RASGRF1: variants seen among roughly 807,000 people sequenced by gnomAD.
The protein encoded by RASGRF1 is ras-specific guanine nucleotide-releasing factor 1.
A neutral mutation model predicts 138.7 loss-of-function variants in RASGRF1; 40 were observed. That is an observed-to-expected ratio of 0.29 (90% CI 0.22 to 0.38). RASGRF1 has a LOEUF of 0.38. RASGRF1 is among the 10% of genes least tolerant of loss of function. The probability of loss-of-function intolerance (pLI) is 1.00; values close to 1 mark genes in which losing one functional copy is unlikely to be tolerated. For synonymous variants in RASGRF1, 614 were observed against 663.2 expected (o/e 0.93, Z 1.14); for missense variants, 1,108 against 1,650.4 (o/e 0.67, Z 5.69).
At chr15:79,031,588 G>T in intron 7 of RASGRF1, 79 bp from the exon 8 acceptor site, 1 of 546,382 alleles carries the variant, frequency 1.8e-6, no homozygotes, top group Non-Finnish European at 3.2e-6. Context: ...GGCAGACAGG[G>T]AGTGAGCAAG....
At chr15:78,995,125 C>T (rs1223176756) in intron 20 of RASGRF1, among the ~76,000 whole-genome samples, 1 of 151,908 alleles carries the variant, frequency 6.6e-6, no homozygotes, top group Non-Finnish European at 1.5e-5. Flanking sequence ...GACAGGGTTT[C>T]ACCATGTTGC....
rs372355251 is a variant in RASGRF1, at chr15:79,007,047, C to A, written c.1827-613G>T. Reference sequence around the variant, plus strand: ...ATGTGTACATGAATGTTCTTAGCAGCATTATTTGTAATAGCCCCAAAGTGG... The same window carrying A: ...ATGTGTACATGAATGTTCTTAGCAGAATTATTTGTAATAGCCCCAAAGTGG... On this transcript the variant is annotated intron_variant, in intron 13 of 26. Transcript: ENST00000558480. 6.6e-5 allele frequency among the ~76,000 whole-genome samples: 10 copies of A among 152,264 alleles called. No homozygotes were observed. In the East Asian group the frequency reaches 1.2e-3, roughly 18 times the overall value.
chr15:78,997,976 G>C, intron 19 of RASGRF1, 120 bp downstream of exon 19: 1 of 796,322 alleles, frequency 1.3e-6, no homozygotes, highest in Non-Finnish European at 2.1e-6. Context: ...CCTACTTGGG[G>C]CTGTCCTTGA....
intron 24 of RASGRF1, among the ~76,000 whole-genome samples, chr15:78,977,157 C>A (rs918563802): frequency 6.6e-6 from 1 of 152,196 alleles, no homozygotes; most frequent in Non-Finnish European, 1.5e-5. Context: ...GAAACCAACC[C>A]GAGACAAGCA....
At chr15:78,997,360 G>C (rs545839035) in intron 19 of RASGRF1, among the ~76,000 whole-genome samples, 4 of 152,362 alleles carry the variant, frequency 2.6e-5, no homozygotes, top group African/African-American at 9.6e-5. Flanking sequence ...CTAGCCACAT[G>C]TCGGGGGTGA....
At chr15:78,997,347 C>A (rs1182081398) in intron 19 of RASGRF1, among the ~76,000 whole-genome samples, 1 of 152,258 alleles carries the variant, frequency 6.6e-6, no homozygotes, top group Non-Finnish European at 1.5e-5. Flanking sequence ...AATGCAGGGA[C>A]TGCTAGCCAC....
At chr15:78,978,772 C>T (rs1223364752) in intron 24 of RASGRF1, 2 of 1,119,564 alleles carry the variant, frequency 1.8e-6, no homozygotes, top group African/African-American at 1.6e-5. Context: ...GAAGCATTTG[C>T]CCCAGGTTTC....
chr15:79,083,449 T>C (rs956369208), intron 1 of RASGRF1, among the ~76,000 whole-genome samples: 3 of 152,148 alleles, frequency 2.0e-5, no homozygotes, highest in Non-Finnish European at 2.9e-5. Context: ...GGAAACCGGA[T>C]TGTGGGGTGT....
In RASGRF1 at chr15:78,969,660, C is replaced by T. The variant is rs530310430; in HGVS notation, c.3681+2206G>A. 9.2e-4 allele frequency among the ~76,000 whole-genome samples: 140 copies of T among 152,188 alleles called. 6 individuals carry two copies. In the South Asian group the frequency reaches 0.028, roughly 31 times the overall value. ...CTCCAGCCTGGGTGACAGAGTAAGA[C>T]TCTGTCTTAAAAAAAAGAAAAGAAA... On this transcript the variant is annotated intron_variant, in intron 26 of 26. Transcript: ENST00000558480.
At chr15:79,080,955 C>G (rs1391319847) in intron 1 of RASGRF1, among the ~76,000 whole-genome samples, 1 of 152,178 alleles carries the variant, frequency 6.6e-6, no homozygotes, top group Admixed American at 6.5e-5. Context: ...ATGCAAGCCT[C>G]GTCTGTCAAA....
intron 1 of RASGRF1, among the ~76,000 whole-genome samples, chr15:79,085,883 T>G (rs1040038595): frequency 6.6e-6 from 1 of 152,178 alleles, no homozygotes; most frequent in Non-Finnish European, 1.5e-5. Context: ...GAATAAACAA[T>G]GTGGAATTTT....
intron 20 of RASGRF1, among the ~76,000 whole-genome samples, chr15:78,993,180 G>T (rs985281350): frequency 2.0e-4 from 28 of 140,842 alleles, no homozygotes; most frequent in African/African-American, 7.3e-4. Context: ...TGTATGTGGT[G>T]TGTGTGGTGT....
Position 79,014,606 on chromosome 15 carries a change from G to A in RASGRF1, c.1826+721C>T, listed in dbSNP as rs187464163. The stretch of plus-strand genomic sequence containing the variant: ...ACTCAGGGGGAAAGGGTAGGAAGGC[G>A]GTGAGGGATAAAAGACTACAAATTG... On this transcript the variant is annotated intron_variant, in intron 13 of 26. Transcript: ENST00000558480. Among the ~76,000 whole-genome samples the A allele has an allele frequency of 1.5e-3, 234 of 152,222 alleles. 2 individuals are homozygous for A. Among genetic ancestry groups the A allele is most frequent in the African/African-American group, 5.5e-3 (230 of 41,550 alleles).
intron 2 of RASGRF1, among the ~76,000 whole-genome samples, chr15:79,061,535 G>T (rs2057607722): frequency 6.6e-6 from 1 of 151,338 alleles, no homozygotes; most frequent in Admixed American, 6.6e-5. Flanking sequence ...AAATCCAGAT[G>T]ATATTTCCAT....
At position 79,047,212 on chromosome 15, in the gene RASGRF1, A is replaced by G. The variant is rs80044570; in HGVS notation, c.625-213T>C. ...TTGGTTGCCCTGAGTCAGTTTTCCC[A>G]TCTGTAAAATGGGGCTAAAGAGATG... On this transcript the variant is annotated intron_variant, in intron 4 of 26. Coordinates refer to ENST00000558480, the MANE Select transcript of RASGRF1 (RefSeq NM_001145648.3). 5.8e-3 allele frequency among the ~76,000 whole-genome samples: 878 copies of G among 152,276 alleles called. 6 individuals are homozygous for G. The highest frequency in any genetic ancestry group is 0.02 in the African/African-American group (850 of 41,564).
intron 26 of RASGRF1, among the ~76,000 whole-genome samples, chr15:78,971,370 T>C (rs1196122061): frequency 1.3e-5 from 2 of 152,082 alleles, no homozygotes; most frequent in Non-Finnish European, 2.9e-5. Flanking sequence ...AGATATATTA[T>C]GAAGGAAAAA....
In RASGRF1 at chr15:79,004,211, G is replaced by A. The variant is rs114032018; in HGVS notation, c.2076-36C>T. The A allele has an allele frequency of 9.0e-4, 1,375 of 1,524,040 alleles. 8 individuals are homozygous for A. The African/African-American group carries it at 0.016, about 18-fold the overall frequency. The allele number at this position is 1,524,040 out of a possible 1,614,324, so 94.4% of individuals were successfully genotyped here. A position where few individuals can be genotyped will look rare whatever the true frequency, so the allele number is the denominator to read the frequency against. ...GGCGGGGGTGAAAATGACAGTTAGC[G>A]TAGGCCTGCCTGCCCGCCTAGGCCT... On this transcript the variant is annotated intron_variant, in intron 14 of 26. Transcript: ENST00000558480.
At chr15:78,963,348 C>G (rs967026511) in intron 26 of RASGRF1, among the ~76,000 whole-genome samples, 4 of 151,734 alleles carry the variant, frequency 2.6e-5, no homozygotes, top group Non-Finnish European at 4.4e-5. Flanking sequence ...GTCGCCCAGT[C>G]TGGAGTGCAG....
Position 79,090,344 on chromosome 15 carries a change from A to T in RASGRF1, c.155T>A (p.Phe52Tyr). 3.7e-6 allele frequency: 6 copies of T among 1,613,940 alleles called. No individual in the cohort carries two copies. Among genetic ancestry groups the T allele is most frequent in the Non-Finnish European group, 5.1e-6 (6 of 1,179,984 alleles). ...KWFALLQNLL[F>Y]YFESDSSSRP... is the part of the protein sequence containing the mutation. ...CGAGCTCGAGTCGCTCTCGAAGTAG[A>T]AGAGCAGGTTCTGCAGCAGCGCGAA... is the stretch of plus-strand genomic sequence containing the variant. Residue 52 changes from phenylalanine (F) to tyrosine (Y), a missense_variant, in exon 1 of 27, where the codon TTC becomes TAC. Phe to Tyr is a conservative substitution (Grantham distance 22, BLOSUM62 3). Coordinates refer to ENST00000558480, the MANE Select transcript of RASGRF1 (RefSeq NM_001145648.3).
Sources: allele counts gnomAD v4.1 joint callset (sites outside exome capture counted in the v4.1 genomes callset), GRCh38; gene constraint gnomAD v4.1.1; transcripts MANE v1.5; gene names NCBI Gene and HGNC (gene_info 2026-07-23, HGNC 2026-07-21).